Variants in TRDN observed in about 807,000 individuals in gnomAD.
TRDN encodes triadin in skeletal muscle.
In TRDN, 161 loss-of-function variants were observed where a neutral mutation model predicts 149.7. The ratio of observed to expected loss-of-function variants is 1.08; its 90% CI spans 0.95 to 1.23. TRDN has a LOEUF of 1.23. TRDN is among the 50% of genes most tolerant of loss of function. TRDN has a pLI of 0.00. For missense variants in TRDN, 896 were observed against 823.5 expected (o/e 1.09, Z -1.08); for synonymous variants, 294 against 250.5 (o/e 1.17, Z -1.64).
At chr6:123,350,522 G>C (rs1289594941) in intron 21 of TRDN, 1 of 664,616 alleles carries the variant, frequency 1.5e-6, no homozygotes, top group African/African-American at 2.0e-5. Context: ...AACTATGTAA[G>C]AAAGCAAAGT....
At chr6:123,473,581 G>A (rs1165337540) in intron 9 of TRDN, among the ~76,000 whole-genome samples, 2 of 151,770 alleles carry the variant, frequency 1.3e-5, no homozygotes, top group Admixed American at 1.3e-4. Flanking sequence ...TCAGATTCAG[G>A]AAATACAGAG....
chr6:123,527,326 T>C (rs1021282449), intron 5 of TRDN, among the ~76,000 whole-genome samples: 1 of 152,056 alleles, frequency 6.6e-6, no homozygotes, highest in Non-Finnish European at 1.5e-5. Flanking sequence ...TATATCTTTT[T>C]ATTTAAAACA....
chr6:123,484,342 C>T (rs1309400940), intron 9 of TRDN, among the ~76,000 whole-genome samples: 1 of 152,010 alleles, frequency 6.6e-6, no homozygotes, highest in Non-Finnish European at 1.5e-5. Flanking sequence ...ATTTTGTATC[C>T]ACTAGGCCAC....
At position 123,622,800 on chromosome 6, in the gene TRDN, C is replaced by T. The variant is rs368716136; in HGVS notation, c.22+13954G>A. Reference sequence around the variant, plus strand: ...CAAGTTTTTATATGATTTGAAAATACATTTGTCATCATGATAGTATTGCAA... The same window carrying T: ...CAAGTTTTTATATGATTTGAAAATATATTTGTCATCATGATAGTATTGCAA... On this transcript the variant is annotated intron_variant, in intron 1 of 40. Transcript: ENST00000334268. Among the ~76,000 whole-genome samples the T allele has an allele frequency of 2.5e-3, 377 of 152,156 alleles. 1 individual carries two copies. Among genetic ancestry groups the T allele is most frequent in the African/African-American group, 8.8e-3 (364 of 41,526 alleles).
At chr6:123,362,848 G>T (rs981786263) in intron 20 of TRDN, among the ~76,000 whole-genome samples, 3 of 151,790 alleles carry the variant, frequency 2.0e-5, no homozygotes, top group Non-Finnish European at 4.4e-5. Context: ...AATTTTTCTC[G>T]ATTTTTCATA....
chr6:123,457,843 A>G (rs1232089072), intron 10 of TRDN, among the ~76,000 whole-genome samples: 3 of 152,216 alleles, frequency 2.0e-5, no homozygotes, highest in Non-Finnish European at 4.4e-5. Context: ...CATATGATCC[A>G]AAACAAAATA....
At chr6:123,324,944 T>C (rs1471599808) in intron 23 of TRDN, among the ~76,000 whole-genome samples, 1 of 152,208 alleles carries the variant, frequency 6.6e-6, no homozygotes, top group African/African-American at 2.4e-5. Context: ...CAACTTTCAC[T>C]TTAACAATTC....
chr6:123,612,561 G>A (rs959364430), intron 1 of TRDN, among the ~76,000 whole-genome samples: 8 of 152,036 alleles, frequency 5.3e-5, no homozygotes, highest in African/African-American at 1.9e-4. Flanking sequence ...AGAGATTTAG[G>A]AGAGGACATC....
chr6:123,586,333 G>C (rs577896283), intron 1 of TRDN, among the ~76,000 whole-genome samples: 3 of 151,064 alleles, frequency 2.0e-5, no homozygotes, highest in East Asian at 2.0e-4. Context: ...GACCTAGCTC[G>C]GCCTGGCGAG....
At chr6:123,343,984 G>T (rs1200166207) in intron 21 of TRDN, among the ~76,000 whole-genome samples, 1 of 151,990 alleles carries the variant, frequency 6.6e-6, no homozygotes, top group Non-Finnish European at 1.5e-5. Flanking sequence ...AGGAACCCCA[G>T]AGAGCTCTCT....
At chr6:123,243,178 C>A (rs904007023) in intron 38 of TRDN, among the ~76,000 whole-genome samples, 5 of 152,236 alleles carry the variant, frequency 3.3e-5, no homozygotes, top group Admixed American at 1.3e-4. Flanking sequence ...GTGGTCCCAT[C>A]ATCCTTAGTG....
At chr6:123,317,751 T>G (rs1779081964) in intron 23 of TRDN, among the ~76,000 whole-genome samples, 1 of 152,018 alleles carries the variant, frequency 6.6e-6, no homozygotes, top group Non-Finnish European at 1.5e-5. Flanking sequence ...ATTACTCAAA[T>G]ATCAGCACTG....
chr6:123,573,963 G>A (rs574087682), intron 1 of TRDN, among the ~76,000 whole-genome samples: 18 of 151,932 alleles, frequency 1.2e-4, no homozygotes, highest in South Asian at 6.2e-4. Context: ...GGTTTCTTTA[G>A]TCATAAAATA....
At chr6:123,635,323 A>AACACACACACAC (rs141018949) in intron 1 of TRDN, among the ~76,000 whole-genome samples, 4,489 of 147,196 alleles carry the variant, frequency 0.03, 94 homozygotes, top group African/African-American at 0.052. Flanking sequence ...CAGAAAAGAA[A>AACACACACACAC]ACACACACAC....
chr6:123,300,038 T>C (rs772271057), intron 24 of TRDN, among the ~76,000 whole-genome samples: 2 of 151,938 alleles, frequency 1.3e-5, no homozygotes, highest in Admixed American at 6.6e-5. Flanking sequence ...TTAAGAAGCT[T>C]CCAAGTTTTT....
Position 123,516,187 on chromosome 6 carries a change from T to C in TRDN, c.504A>G (p.Glu168=). The C allele has an allele frequency of 1.3e-6, 2 of 1,484,078 alleles. No homozygotes were observed. The highest frequency in any genetic ancestry group is 1.8e-6 in the Non-Finnish European group (2 of 1,107,264). 91.9% of individuals were successfully genotyped at this position (1,484,078 alleles called of 1,614,324 possible). The change falls in exon 6 of 41, where the codon GAA becomes GAG. Residue 168 remains glutamate (E), a synonymous_variant. Transcript: ENST00000334268. ...TTTCTCTTACTTTTTCTTTTCCTTT[T>C]TCTTTTTCTTTGTGTGTAACTGAAA... ...IQTKVTHKEK[E]KGKEKVREKE...
intron 24 of TRDN, among the ~76,000 whole-genome samples, chr6:123,310,771 T>C (rs1778788198): frequency 6.6e-6 from 1 of 151,932 alleles, no homozygotes; most frequent in Non-Finnish European, 1.5e-5. Context: ...GAAGAAAGGA[T>C]TTCTGCCTGA....
chr6:123,587,703 G>T (rs541378293), intron 1 of TRDN, among the ~76,000 whole-genome samples: 14 of 151,900 alleles, frequency 9.2e-5, no homozygotes, highest in African/African-American at 3.4e-4. Flanking sequence ...TCCAAAAAGA[G>T]AGTCAGTGAA....
rs548301771 is a variant in TRDN, at chr6:123,601,607, A to G, written c.23-30475T>C. ...TCCTCTAAGCAGTCAGGGCTGCTAC[A>G]CCAGAGCTCAGTGTTTCTTGCAGAG... On this transcript the variant is annotated intron_variant, in intron 1 of 40. Coordinates refer to ENST00000334268, the MANE Select transcript of TRDN (RefSeq NM_006073.4). Among the ~76,000 whole-genome samples, 56 of 152,216 alleles carry G rather than the reference A, an allele frequency of 3.7e-4. No individual in the cohort carries two copies. The South Asian group carries it at 0.011, about 30-fold the overall frequency.
Sources: gnomAD v4.1 joint callset for allele counts (sites outside exome capture counted in the v4.1 genomes callset) on GRCh38, gnomAD v4.1.1 for gene constraint, MANE v1.5 for transcripts, NCBI Gene and HGNC (gene_info 2026-07-23, HGNC 2026-07-21) for gene names.